Variants in NOL10 observed in about 807,000 individuals in gnomAD.
The protein encoded by NOL10 is H_NH0074G24.1.
Under a neutral mutation model 103.5 loss-of-function variants are expected in NOL10, and 58 were observed. The ratio of observed to expected loss-of-function variants is 0.56; its 90% CI spans 0.45 to 0.70. The LOEUF (loss-of-function observed/expected upper bound fraction) is 0.70, where lower values mean the gene tolerates loss of function less well. NOL10 is among the 30% of genes least tolerant of loss of function. NOL10 has a pLI of 0.00. For missense variants in NOL10, 763 were observed against 807.3 expected (o/e 0.95, Z 0.67); for synonymous variants, 287 against 282.5 (o/e 1.02, Z -0.16).
At chr2:10,597,253 A>G (rs1675740524) in intron 17 of NOL10, among the ~76,000 whole-genome samples, 1 of 152,224 alleles carries the variant, frequency 6.6e-6, no homozygotes, top group Non-Finnish European at 1.5e-5. Context: ...TCAACCATAC[A>G]GTAAACATCT....
At chr2:10,601,068 A>AT (rs1181224318) in intron 16 of NOL10, 126 bp from the exon 17 acceptor site, 6 of 590,698 alleles carry the variant, frequency 1.0e-5, no homozygotes, top group Middle Eastern at 4.7e-4. Flanking sequence ...TTCTTATTTT[A>AT]TTATTTTTTT....
At chr2:10,611,891 G>A (rs955046301) in intron 13 of NOL10, among the ~76,000 whole-genome samples, 1 of 152,010 alleles carries the variant, frequency 6.6e-6, no homozygotes, top group African/African-American at 2.4e-5. Flanking sequence ...CTCCAGCCTG[G>A]GTGACAGAAT....
intron 20 of NOL10, among the ~76,000 whole-genome samples, chr2:10,577,156 T>G (rs10929676): frequency 0.55 from 84,081 of 152,028 alleles, 25,142 homozygotes; most frequent in Non-Finnish European, 0.7. Context: ...TCTTCTAAAA[T>G]GATAGTATCT....
At chr2:10,645,971 C>T (rs1426808081) in intron 12 of NOL10, among the ~76,000 whole-genome samples, 1 of 124,564 alleles carries the variant, frequency 8.0e-6, no homozygotes, top group Admixed American at 8.4e-5. Flanking sequence ...ACACACACCC[C>T]GTAAAAACAT....
intron 13 of NOL10, among the ~76,000 whole-genome samples, chr2:10,621,486 T>C (rs1396345144): frequency 6.6e-6 from 1 of 152,138 alleles, no homozygotes; most frequent in East Asian, 1.9e-4. Context: ...CCTGGGTACT[T>C]GGGAGACTGA....
intron 16 of NOL10, among the ~76,000 whole-genome samples, chr2:10,602,362 C>G (rs1015365897): frequency 6.6e-6 from 1 of 152,206 alleles, no homozygotes; most frequent in Non-Finnish European, 1.5e-5. Context: ...TGTACTCAGA[C>G]AGAGAGTGCA....
intron 16 of NOL10, 118 bp from the exon 17 acceptor site, chr2:10,601,060 C>A: frequency 1.6e-6 from 1 of 618,340 alleles, no homozygotes; most frequent in Non-Finnish European, 2.7e-6. Flanking sequence ...ATAACTAATT[C>A]TTATTTTATT....
At chr2:10,622,080 C>T (rs541514872) in intron 13 of NOL10, 35 of 471,218 alleles carry the variant, frequency 7.4e-5, no homozygotes, top group Middle Eastern at 3.2e-4. Flanking sequence ...AGATATAGAA[C>T]GTGTCCGTCA....
intron 7 of NOL10, 99 bp downstream of exon 7, chr2:10,668,559 T>C: frequency 2.1e-6 from 1 of 486,688 alleles, no homozygotes; most frequent in Admixed American, 3.5e-5. Flanking sequence ...CTGGGAGTTT[T>C]GCTTAATTGC....
chr2:10,571,838 T>G lies in NOL10; in HGVS notation c.*233A>C. ...AACGCCGTGGGGAAAGGACAATGTT[T>G]CCAGGGAGCAACGACTCGCAAGCAC... On this transcript the variant is annotated 3_prime_UTR_variant, in exon 21 of 21. Coordinates refer to ENST00000381685, the MANE Select transcript of NOL10 (RefSeq NM_024894.4). 1 of 400,926 alleles carries G rather than the reference T, an allele frequency of 2.5e-6. No homozygotes were observed. 24.8% of individuals were successfully genotyped at this position (400,926 alleles called of 1,614,324 possible).
intron 8 of NOL10, among the ~76,000 whole-genome samples, chr2:10,665,367 C>T (rs1484294200): frequency 6.6e-6 from 1 of 152,138 alleles, no homozygotes; most frequent in African/African-American, 2.4e-5. Context: ...CCAAACCTCC[C>T]CTCTTAGGCA....
At chr2:10,638,103 G>A (rs1489416417) in intron 13 of NOL10, among the ~76,000 whole-genome samples, 1 of 152,138 alleles carries the variant, frequency 6.6e-6, no homozygotes, top group Non-Finnish European at 1.5e-5. Context: ...GCAACACAGT[G>A]AGATCCTCTC....
chr2:10,595,020 G>C (rs1411667522), intron 17 of NOL10, among the ~76,000 whole-genome samples: 1 of 149,868 alleles, frequency 6.7e-6, no homozygotes. Context: ...ATGTAATGCT[G>C]AATACCAACT....
intron 20 of NOL10, among the ~76,000 whole-genome samples, chr2:10,573,471 C>T (rs1008001738): frequency 2.0e-5 from 3 of 152,068 alleles, no homozygotes; most frequent in African/African-American, 7.2e-5. Flanking sequence ...GGATTACAGG[C>T]GTGCGCCACC....
intron 13 of NOL10, among the ~76,000 whole-genome samples, chr2:10,614,444 TA>T (rs1202517881): frequency 5.9e-5 from 9 of 152,264 alleles, no homozygotes; most frequent in African/African-American, 2.2e-4. Context: ...TTGAAACAAA[TA>T]ACTTTTTGCA....
chr2:10,649,913 T>C (rs1679346559), intron 12 of NOL10, among the ~76,000 whole-genome samples: 2 of 152,196 alleles, frequency 1.3e-5, no homozygotes, highest in African/African-American at 2.4e-5. Flanking sequence ...TCATAAAATA[T>C]TACTCTTCTT....
chr2:10,595,579 T>C (rs1196862695), intron 17 of NOL10, among the ~76,000 whole-genome samples: 1 of 129,030 alleles, frequency 7.8e-6, no homozygotes, highest in Non-Finnish European at 1.8e-5. Flanking sequence ...ATTACAGAAA[T>C]GTTTTTTTGT....
chr2:10,577,621 T>G lies in NOL10; in HGVS notation c.1947+15A>C. ...TCTTTTGTGAATTAAAAAATAACAA[T>G]AAAAGACAACTCACCCTCTTTAACG... On this transcript the variant is annotated intron_variant, in intron 20 of 20. Coordinates refer to ENST00000381685, the MANE Select transcript of NOL10 (RefSeq NM_024894.4). The G allele has an allele frequency of 6.3e-7, 1 of 1,577,822 alleles. No homozygotes were observed. The highest frequency in any genetic ancestry group is 8.7e-7 in the Non-Finnish European group (1 of 1,151,980).
At chr2:10,677,839 T>TTGTGTGTGTGTGTGTGTG (rs58970211) in intron 3 of NOL10, among the ~76,000 whole-genome samples, 1 of 146,742 alleles carries the variant, frequency 6.8e-6, no homozygotes, top group African/African-American at 2.5e-5. Context: ...TTTAATACAT[T>TTGTGTGTGTGTGTGTGTG]TGTGTGTGTG....
Sources: allele counts gnomAD v4.1 joint callset (sites outside exome capture counted in the v4.1 genomes callset), GRCh38; gene constraint gnomAD v4.1.1; transcripts MANE v1.5; gene names NCBI Gene and HGNC (gene_info 2026-07-23, HGNC 2026-07-21).